The following CELF5 variants were observed in gnomAD, a reference collection of about 807,000 sequenced individuals.
CELF5 encodes CUGBP Elav-like family member 5, also known as CUG-BP and ETR-3 like factor 5.
In CELF5, 6 loss-of-function variants were observed where a neutral mutation model predicts 54.9. That is an observed-to-expected ratio of 0.11 (90% confidence interval 0.06 to 0.22). The LOEUF (loss-of-function observed/expected upper bound fraction) is 0.22, where lower values mean the gene tolerates loss of function less well. CELF5 is among the 10% of genes least tolerant of loss of function. The probability of loss-of-function intolerance (pLI) is 1.00; values close to 1 mark genes in which losing one functional copy is unlikely to be tolerated. For synonymous variants in CELF5, 271 were observed against 290.9 expected (o/e 0.93, Z 0.70); for missense variants, 401 against 678.6 (o/e 0.59, Z 4.54).
At chr19:3,250,900 C>T in intron 1 of CELF5, 85 bp from the exon 2 acceptor site, 6 of 891,704 alleles carry the variant, frequency 6.7e-6, no homozygotes, top group South Asian at 2.9e-5. Context: ...TGGGTTGCTT[C>T]CACCTAGTGG....
At chr19:3,293,234 G>C in intron 11 of CELF5, 85 bp from the exon 12 acceptor site, 1 of 1,567,400 alleles carries the variant, frequency 6.4e-7, no homozygotes, top group Non-Finnish European at 8.7e-7. Context: ...AGGACCCCGT[G>C]AGCCGGGAAG....
chr19:3,274,931 CCTT>C (rs998075721), intron 3 of CELF5, among the ~76,000 whole-genome samples: 1 of 151,970 alleles, frequency 6.6e-6, no homozygotes, highest in Non-Finnish European at 1.5e-5. Context: ...CTCTGTATCT[CCTT>C]CTCCTTTTTC....
intron 2 of CELF5, among the ~76,000 whole-genome samples, chr19:3,260,635 T>G (rs1242721335): frequency 6.7e-6 from 1 of 149,154 alleles, no homozygotes; most frequent in Non-Finnish European, 1.5e-5. Context: ...TTTTTTTTTT[T>G]TTTTTGAGAC....
rs76936206 is a variant in CELF5 at position 3,243,153 on chromosome 19, T to C, written c.260-7832T>C. On this transcript the variant is annotated intron_variant, in intron 1 of 12. Transcript: ENST00000292672. ...AGTATAGAGTATAAGCTTATTCTTT[T>C]CTTTTTCAGTTTTTTCTTTTTTTCT... is the stretch of plus-strand genomic sequence containing the variant. 1.2e-3 allele frequency among the ~76,000 whole-genome samples: 189 copies of C among 152,260 alleles called. 7 individuals are homozygous for C. The East Asian group carries it at 0.031, about 25-fold the overall frequency.
At chr19:3,235,528 A>T (rs1395329925) in intron 1 of CELF5, among the ~76,000 whole-genome samples, 1 of 594 alleles carries the variant, frequency 1.7e-3, no homozygotes, top group Non-Finnish European at 3.2e-3. Context: ...ATGGATGAAT[A>T]GGTGGGTGGG....
In CELF5 at chr19:3,275,805, G is replaced by A. The variant is rs780802004; in HGVS notation, c.395-51G>A. On this transcript the variant is annotated intron_variant, in intron 3 of 12. Coordinates refer to ENST00000292672, the MANE Select transcript of CELF5 (RefSeq NM_021938.4). This position sits in a 1 kb window ranked among gnomAD's most constrained non-coding sequence, Gnocchi z 6.7. Reference sequence around the variant, plus strand: ...GCTGGAGGGAGGGAGGAATCCCGGAGGCCCTCCCGGAGGCCGGGGACTCGG... The same window carrying A: ...GCTGGAGGGAGGGAGGAATCCCGGAAGCCCTCCCGGAGGCCGGGGACTCGG... 1 of 1,568,390 alleles carries A rather than the reference G, an allele frequency of 6.4e-7. No individual in the cohort carries two copies. Among genetic ancestry groups the A allele is most frequent in the Non-Finnish European group, 8.7e-7 (1 of 1,151,594 alleles).
rs148066191 is a variant in CELF5, at chr19:3,224,876, A to C, written c.137A>C (p.Lys46Thr). ...GGCATGAAGGACCTGGACGCCATCA[A>C]ACTCTTCGTGGGCCAGATCCCGCGG... is the stretch of plus-strand genomic sequence containing the variant. ...PDGMKDLDAI[K>T]LFVGQIPRHL... is the part of the protein sequence containing the mutation. The change falls in exon 1 of 13, where the codon AAA becomes ACA. Residue 46 changes from lysine (K) to threonine (T), a missense_variant. This residue lies in a region of CELF5 where 66 missense variants were observed against 132.3 expected (regional missense o/e 0.50). Transcript: ENST00000292672. 6.2e-7 allele frequency: 1 copy of C among 1,607,952 alleles called. No homozygotes were observed. Among genetic ancestry groups the C allele is most frequent in the African/African-American group, 1.3e-5 (1 of 74,694 alleles).
chr19:3,241,406 T>TGAAAATAGGGTGGG (rs2079488986), intron 1 of CELF5, among the ~76,000 whole-genome samples: 2 of 152,052 alleles, frequency 1.3e-5, no homozygotes, highest in East Asian at 3.9e-4. Flanking sequence ...GTCCAGGCTT[T>TGAAAATAGGGTGGG]GAAAATAGGG....
At chr19:3,296,309 C>G (rs1211120914) in intron 12 of CELF5, 1 of 40,712 alleles carries the variant, frequency 2.5e-5, no homozygotes, top group African/African-American at 1.1e-4. Context: ...TTAATAAGCT[C>G]AAAAGAAAAA....
chr19:3,249,372 C>T (rs995982280), intron 1 of CELF5, among the ~76,000 whole-genome samples: 1 of 152,188 alleles, frequency 6.6e-6, no homozygotes, highest in African/African-American at 2.4e-5. Context: ...GCTTTCAGGG[C>T]GAGGGCGGGT....
chr19:3,287,592 A>G (rs2080275518), intron 10 of CELF5, among the ~76,000 whole-genome samples: 1 of 151,144 alleles, frequency 6.6e-6, no homozygotes, highest in African/African-American at 2.4e-5. Flanking sequence ...TAAAAAAATA[A>G]AAACGAGGAA....
intron 11 of CELF5, among the ~76,000 whole-genome samples, chr19:3,290,756 C>T (rs1039778324): frequency 1.3e-4 from 20 of 148,746 alleles, no homozygotes; most frequent in Admixed American, 6.7e-4. Context: ...TAAGTAGAGA[C>T]GGGGTTTCAC....
chr19:3,227,792 A>AC (rs1287834046), intron 1 of CELF5, among the ~76,000 whole-genome samples: 1 of 150,714 alleles, frequency 6.6e-6, no homozygotes, highest in Non-Finnish European at 1.5e-5. Flanking sequence ...GGCCCCCATT[A>AC]CCCCCCCTGC....
At chr19:3,270,984 C>G (rs2079953300) in intron 2 of CELF5, among the ~76,000 whole-genome samples, 3 of 151,896 alleles carry the variant, frequency 2.0e-5, no homozygotes, top group South Asian at 4.1e-4. Context: ...GGCCGCCCCT[C>G]CCTCCCTCCC....
chr19:3,277,266 G>T (rs968287272), intron 4 of CELF5, among the ~76,000 whole-genome samples: 2 of 152,114 alleles, frequency 1.3e-5, no homozygotes, highest in African/African-American at 2.4e-5. Context: ...ACGAGATCAG[G>T]AGTTCAAGAC....
intron 2 of CELF5, among the ~76,000 whole-genome samples, chr19:3,270,055 T>C (rs1427239111): frequency 2.0e-5 from 3 of 152,072 alleles, no homozygotes; most frequent in Non-Finnish European, 4.4e-5. Flanking sequence ...ACTCCAAAAT[T>C]CACAGTGAAT....
chr19:3,282,509 G>A lies in CELF5; in HGVS notation c.1039+11G>A, dbSNP rs1599473075. 1.0e-5 allele frequency: 16 copies of A among 1,607,688 alleles called. No individual in the cohort carries two copies. In the East Asian group the frequency reaches 3.6e-4, roughly 36 times the overall value. ...TTGTGCCCTACCCAGGTAAATTGGG[G>A]TCGTCCTCTGGGGCCTAGGAGAGTG... On this transcript the variant is annotated intron_variant, in intron 8 of 12. Coordinates refer to ENST00000292672, the MANE Select transcript of CELF5 (RefSeq NM_021938.4). The surrounding 1 kb of genome is among the most constrained non-coding windows in gnomAD (Gnocchi z 5.2).
chr19:3,274,622 G>T (rs2080017883), intron 3 of CELF5, among the ~76,000 whole-genome samples: 1 of 152,184 alleles, frequency 6.6e-6, no homozygotes, highest in Non-Finnish European at 1.5e-5. Flanking sequence ...GTGTGCCCAT[G>T]GTGGGGGCAT....
At chr19:3,256,756 T>C (rs1006479102) in intron 2 of CELF5, among the ~76,000 whole-genome samples, 5 of 151,828 alleles carry the variant, frequency 3.3e-5, no homozygotes, top group East Asian at 1.9e-4. Context: ...TTAGTAGAGA[T>C]GGGGTTTCAC....
Sources: gnomAD v4.1 joint callset for allele counts (sites outside exome capture counted in the v4.1 genomes callset) on GRCh38, gnomAD v4.1.1 for gene constraint, gnomAD v4.1.1 regional missense constraint, Gnocchi (gnomAD v3.1) non-coding constraint, MANE v1.5 for transcripts, NCBI Gene and HGNC (gene_info 2026-07-23, HGNC 2026-07-21) for gene names.